Variants in PDE8B observed in about 807,000 individuals in gnomAD.
PDE8B encodes the protein high affinity cAMP-specific and IBMX-insensitive 3',5'-cyclic phosphodiesterase 8B.
A neutral mutation model predicts 101.3 loss-of-function variants in PDE8B; 26 were observed. That is an observed-to-expected ratio of 0.26 (90% confidence interval 0.19 to 0.36). PDE8B has a LOEUF of 0.36. Among genes scored for constraint, PDE8B ranks in the 10% least tolerant of loss-of-function variants. The probability of loss-of-function intolerance (pLI) is 1.00; values close to 1 mark genes in which losing one functional copy is unlikely to be tolerated. For missense variants in PDE8B, 810 were observed against 1,163.1 expected, an observed-to-expected ratio of 0.70 and a Z score of 4.42; for synonymous variants, 424 against 429.3, an observed-to-expected ratio of 0.99 and a Z score of 0.15.
At chr5:77,397,389 A>G (rs1791302946) in intron 10 of PDE8B, among the ~76,000 whole-genome samples, 1 of 152,162 alleles carries the variant, frequency 6.6e-6, no homozygotes, top group Non-Finnish European at 1.5e-5. Context: ...GTAATGATGT[A>G]TCACATATAT....
intron 14 of PDE8B, among the ~76,000 whole-genome samples, chr5:77,409,691 T>C (rs1794163010): frequency 6.6e-6 from 1 of 152,130 alleles, no homozygotes; most frequent in Admixed American, 6.5e-5. Context: ...GCTTTCATAA[T>C]TATCTATCAG....
chr5:77,365,644 CAG>C (rs1783978741), intron 10 of PDE8B, among the ~76,000 whole-genome samples: 1 of 152,316 alleles, frequency 6.6e-6, no homozygotes, highest in South Asian at 2.1e-4. Flanking sequence ...TTCTGAGAGA[CAG>C]GGGCCTGTGT....
intron 12 of PDE8B, 108 bp from the exon 13 acceptor site, chr5:77,407,273 A>AGG: frequency 1.2e-6 from 1 of 820,800 alleles, no homozygotes; most frequent in Non-Finnish European, 2.2e-6. Flanking sequence ...TTTAGGTGGG[A>AGG]GGGTGGCCCT....
In PDE8B at chr5:77,299,242, TTTTG is replaced by T. The variant is rs57889879; in HGVS notation, c.340-12728_340-12725del. Among the ~76,000 whole-genome samples, 364 of 150,800 alleles carry T rather than the reference TTTTG, an allele frequency of 2.4e-3. 1 individual carries two copies. The highest frequency in any genetic ancestry group is 5.5e-3 in the African/African-American group (225 of 40,894). ...AAGATTGGGAACATGAGAGTTGTTTTTTTGTTTGTTTGTTTGTTTGTTTGTTTTA... is the reference window on the plus strand; with the variant it reads ...AAGATTGGGAACATGAGAGTTGTTTTTTTGTTTGTTTGTTTGTTTGTTTTA... On this transcript the variant is annotated intron_variant, in intron 1 of 21. Transcript: ENST00000264917.
chr5:77,379,133 C>G (rs893311274), intron 10 of PDE8B, among the ~76,000 whole-genome samples: 2 of 152,106 alleles, frequency 1.3e-5, no homozygotes, highest in Admixed American at 1.3e-4. Context: ...GAATGTAGAG[C>G]CAGTGGGCAC....
intron 10 of PDE8B, among the ~76,000 whole-genome samples, chr5:77,367,076 A>C (rs1784271349): frequency 6.6e-6 from 1 of 152,130 alleles, no homozygotes; most frequent in Non-Finnish European, 1.5e-5. Flanking sequence ...GGACCTTTCA[A>C]AAATTCTTTT....
intron 11 of PDE8B, among the ~76,000 whole-genome samples, chr5:77,404,477 C>G (rs1792997180): frequency 6.6e-6 from 1 of 152,190 alleles, no homozygotes; most frequent in South Asian, 2.1e-4. Flanking sequence ...ACCCTTGATA[C>G]TAAGCTATAT....
intron 1 of PDE8B, among the ~76,000 whole-genome samples, chr5:77,264,039 G>A (rs373483636): frequency 1.3e-5 from 2 of 152,284 alleles, no homozygotes; most frequent in South Asian, 2.1e-4. Context: ...CATGCAGTAC[G>A]TGCGTCTTTT....
At chr5:77,161,085 T>A in the PDE8B span, among the ~76,000 whole-genome samples, 1 of 152,272 alleles carries the variant, frequency 6.6e-6, no homozygotes, top group South Asian at 2.1e-4. Context: ...GTAATTTATA[T>A]AATTTACATA....
At chr5:77,107,148 A>G in the PDE8B span, among the ~76,000 whole-genome samples, 1 of 151,894 alleles carries the variant, frequency 6.6e-6, no homozygotes, top group Non-Finnish European at 1.5e-5. Flanking sequence ...AAGAACATGC[A>G]GTGTTTGGTT....
At chr5:77,173,685 T>G in the PDE8B span, among the ~76,000 whole-genome samples, 1 of 152,076 alleles carries the variant, frequency 6.6e-6, no homozygotes, top group Non-Finnish European at 1.5e-5. Flanking sequence ...ACATTTTAAT[T>G]GTTAGTTACA....
intron 3 of PDE8B, 38 bp downstream of exon 3, chr5:77,325,767 C>G (rs1775936077): frequency 2.2e-6 from 3 of 1,388,940 alleles, no homozygotes; most frequent in Middle Eastern, 2.1e-4. Flanking sequence ...TAAATGTTCA[C>G]TTTACATCTT....
chr5:77,152,674 T>C, the PDE8B span, among the ~76,000 whole-genome samples: 3 of 152,186 alleles, frequency 2.0e-5, no homozygotes, highest in African/African-American at 7.2e-5. Context: ...GGGCACGGCC[T>C]GGATGGGCAG....
chr5:77,380,995 GC>G (rs1274510010), intron 10 of PDE8B, among the ~76,000 whole-genome samples: 1 of 152,160 alleles, frequency 6.6e-6, no homozygotes, highest in East Asian at 1.9e-4. Context: ...GTGGGAAAGG[GC>G]ATGGGAGAAC....
the PDE8B span, among the ~76,000 whole-genome samples, chr5:77,173,386 T>G: frequency 2.0e-5 from 3 of 152,200 alleles, no homozygotes; most frequent in African/African-American, 7.2e-5. Context: ...ATATTAACAC[T>G]GATTCATCTG....
chr5:77,394,577 C>T (rs1156808114), intron 10 of PDE8B, among the ~76,000 whole-genome samples: 1 of 152,164 alleles, frequency 6.6e-6, no homozygotes, highest in Non-Finnish European at 1.5e-5. Context: ...TCCCATTTAG[C>T]ATATCCAATT....
At chr5:77,260,183 G>GA (rs201206456) in intron 1 of PDE8B, among the ~76,000 whole-genome samples, 9,573 of 135,100 alleles carry the variant, frequency 0.071, 366 homozygotes, top group African/African-American at 0.1. Context: ...AGAAAAAAAA[G>GA]AAAAAAAAAA....
the PDE8B span, among the ~76,000 whole-genome samples, chr5:77,165,668 A>C: frequency 6.6e-6 from 1 of 152,350 alleles, no homozygotes; most frequent in East Asian, 1.9e-4. Context: ...TAGCAGATAG[A>C]TATGGGAAGG....
chr5:77,426,746 T>A lies in PDE8B; in HGVS notation c.*192T>A. On this transcript the variant is annotated 3_prime_UTR_variant, in exon 22 of 22. Transcript: ENST00000264917. ...GTTATGTTCCATGAAGAAAAATATA[T>A]GTTCTTTTGAATACTTAATGACAGA... The A allele has an allele frequency of 3.3e-6, 2 of 605,810 alleles. No homozygotes were observed. Among genetic ancestry groups the A allele is most frequent in the Non-Finnish European group, 5.9e-6 (2 of 336,340 alleles). 37.5% of individuals were successfully genotyped at this position (605,810 alleles called of 1,614,324 possible).
Sources: allele counts gnomAD v4.1 joint callset (sites outside exome capture counted in the v4.1 genomes callset), GRCh38; gene constraint gnomAD v4.1.1; transcripts MANE v1.5; gene names NCBI Gene and HGNC (gene_info 2026-07-23, HGNC 2026-07-21).